The following LRMDA variants were observed in gnomAD, a reference collection of about 807,000 sequenced individuals.
LRMDA encodes leucine rich melanocyte differentiation associated, also known as leucine-rich melanocyte differentiation-associated protein.
In LRMDA, 18 loss-of-function variants were observed where a neutral mutation model predicts 29.8. The ratio of observed to expected loss-of-function variants is 0.60; its 90% confidence interval spans 0.42 to 0.90. LRMDA has a LOEUF of 0.90. LRMDA is among the 40% of genes least tolerant of loss of function. The probability of loss-of-function intolerance (pLI) is 0.00; values close to 1 mark genes in which losing one functional copy is unlikely to be tolerated. For missense variants in LRMDA, 273 were observed against 273.9 expected, an observed-to-expected ratio of 1.00 and a Z score of 0.02; for synonymous variants, 125 against 109.4, an observed-to-expected ratio of 1.14 and a Z score of -0.89.
At chr10:76,170,689 C>T (rs1194981532) in intron 5 of LRMDA, among the ~76,000 whole-genome samples, 1 of 152,132 alleles carries the variant, frequency 6.6e-6, no homozygotes, top group Non-Finnish European at 1.5e-5. Flanking sequence ...GAAACTATAT[C>T]TCTAGAAATG....
chr10:76,289,287 A>G (rs576943912), intron 5 of LRMDA, among the ~76,000 whole-genome samples: 1 of 152,298 alleles, frequency 6.6e-6, no homozygotes, highest in Admixed American at 6.5e-5. Flanking sequence ...AGTTTTTAAT[A>G]TGTACAGACA....
chr10:76,521,235 G>T (rs1465840487), intron 6 of LRMDA, among the ~76,000 whole-genome samples: 14 of 151,052 alleles, frequency 9.3e-5, no homozygotes, highest in Non-Finnish European at 1.5e-5. Context: ...CCGGGTTCAT[G>T]CCATTCTCCT....
intron 6 of LRMDA, among the ~76,000 whole-genome samples, chr10:76,383,415 CTTTTTTTTTTT>C (rs1157185768): frequency 1.1e-5 from 1 of 87,266 alleles, no homozygotes; most frequent in Admixed American, 1.3e-4. Flanking sequence ...AATGTCTTTT[CTTTTTTTTTTT>C]TTTTTTTTTT....
chr10:76,154,222 ATACT>A (rs1310971916), intron 5 of LRMDA, among the ~76,000 whole-genome samples: 1 of 152,176 alleles, frequency 6.6e-6, no homozygotes, highest in Non-Finnish European at 1.5e-5. Context: ...ATCCTGTTTA[ATACT>A]TATGTATCAG....
At chr10:75,702,319 A>G (rs908392331) in intron 2 of LRMDA, among the ~76,000 whole-genome samples, 1 of 152,202 alleles carries the variant, frequency 6.6e-6, no homozygotes, top group Non-Finnish European at 1.5e-5. Context: ...ATATTTGCCA[A>G]CTGGATAGAT....
intron 5 of LRMDA, among the ~76,000 whole-genome samples, chr10:76,099,765 A>G (rs1849368461): frequency 6.6e-6 from 1 of 152,222 alleles, no homozygotes; most frequent in African/African-American, 2.4e-5. Flanking sequence ...AAATAAACCA[A>G]TAGTAATAAT....
intron 5 of LRMDA, among the ~76,000 whole-genome samples, chr10:76,222,654 T>G (rs1851866134): frequency 1.3e-5 from 2 of 152,196 alleles, no homozygotes; most frequent in Non-Finnish European, 2.9e-5. Flanking sequence ...ATAGGAACAC[T>G]TTTACACTGT....
intron 5 of LRMDA, among the ~76,000 whole-genome samples, chr10:76,272,466 G>T (rs1840080023): frequency 2.0e-5 from 3 of 152,116 alleles, no homozygotes; most frequent in Admixed American, 1.3e-4. Flanking sequence ...ACCATGAATG[G>T]CTTCTGACAT....
At chr10:76,277,730 A>G (rs151293641) in intron 5 of LRMDA, among the ~76,000 whole-genome samples, 1 of 152,046 alleles carries the variant, frequency 6.6e-6, no homozygotes, top group Non-Finnish European at 1.5e-5. Context: ...AGCTTCTTTT[A>G]CCCTCAAAGT....
intron 6 of LRMDA, among the ~76,000 whole-genome samples, chr10:76,369,248 T>C (rs891732655): frequency 6.6e-6 from 1 of 152,208 alleles, no homozygotes; most frequent in Non-Finnish European, 1.5e-5. Flanking sequence ...TGTTTTGATG[T>C]GCTTCCAGGA....
chr10:76,018,758 G>GGGT (rs1847921215), intron 2 of LRMDA, among the ~76,000 whole-genome samples: 1 of 152,074 alleles, frequency 6.6e-6, no homozygotes, highest in Non-Finnish European at 1.5e-5. Context: ...AGTAGAGACA[G>GGGT]GGTTTCGCCA....
intron 2 of LRMDA, among the ~76,000 whole-genome samples, chr10:75,806,719 C>A (rs2132267074): frequency 6.7e-6 from 1 of 150,366 alleles, no homozygotes; most frequent in East Asian, 2.0e-4. Flanking sequence ...CTACCTCAAT[C>A]ACCTGTGATT....
intron 5 of LRMDA, among the ~76,000 whole-genome samples, chr10:76,223,443 T>C (rs1269976628): frequency 8.5e-5 from 13 of 152,304 alleles, no homozygotes; most frequent in Non-Finnish European, 1.2e-4. Flanking sequence ...TACCTCTCTC[T>C]AATGGATGTG....
intron 5 of LRMDA, among the ~76,000 whole-genome samples, chr10:76,143,830 A>C (rs1216921442): frequency 6.6e-6 from 1 of 152,174 alleles, no homozygotes; most frequent in African/African-American, 2.4e-5. Context: ...TTTTAGGTCT[A>C]ACATTTAAGT....
At chr10:75,663,296 G>A (rs573762064) in intron 2 of LRMDA, among the ~76,000 whole-genome samples, 28 of 152,280 alleles carry the variant, frequency 1.8e-4, no homozygotes, top group African/African-American at 6.7e-4. Context: ...TATTTGCTAT[G>A]GTGGAAGACT....
At chr10:75,600,032 T>A (rs1302913097) in intron 2 of LRMDA, among the ~76,000 whole-genome samples, 1 of 152,238 alleles carries the variant, frequency 6.6e-6, no homozygotes, top group Admixed American at 6.5e-5. Context: ...TAACCCATTT[T>A]ACAGATGGGA....
rs548911285 is a variant in LRMDA at position 75,941,430 on chromosome 10, C to T, written c.132-94578C>T. On this transcript the variant is annotated intron_variant, in intron 2 of 6. Coordinates refer to ENST00000611255, the MANE Select transcript of LRMDA (RefSeq NM_001305581.2). ...GAACACTCAGCATAAGGAGGGGTGG[C>T]TATAAAGCTTTTATCACCACTTTGC... Among the ~76,000 whole-genome samples the T allele has an allele frequency of 4.6e-5, 7 of 152,274 alleles. No homozygotes were observed. The South Asian group carries it at 1.5e-3, about 32-fold the overall frequency.
rs188826921 is a variant in LRMDA at position 75,850,505 on chromosome 10, G to A, written c.132-185503G>A. Among the ~76,000 whole-genome samples, 3 of 152,146 alleles carry A rather than the reference G, an allele frequency of 2.0e-5. No homozygotes were observed. In the South Asian group the frequency reaches 6.2e-4, roughly 32 times the overall value. On this transcript the variant is annotated intron_variant, in intron 2 of 6. Transcript: ENST00000611255. ...TTTTTAAGCTCCCAAGAATTACTGG[G>A]TGGGTAAGAATCTAGTGTTTTTCTG...
chr10:76,216,233 G>A (rs1237967267), intron 5 of LRMDA, among the ~76,000 whole-genome samples: 1 of 152,196 alleles, frequency 6.6e-6, no homozygotes, highest in East Asian at 1.9e-4. Flanking sequence ...GCATGTGCCT[G>A]TTGTCCCAGC....
Sources: gnomAD v4.1 joint callset for allele counts (sites outside exome capture counted in the v4.1 genomes callset) on GRCh38, gnomAD v4.1.1 for gene constraint, MANE v1.5 for transcripts, NCBI Gene and HGNC (gene_info 2026-07-23, HGNC 2026-07-21) for gene names.